The following RBMS3 variants were observed in gnomAD, a reference collection of about 807,000 sequenced individuals.
RBMS3 encodes the protein RNA-binding motif, single-stranded-interacting protein 3.
RBMS3 carries 27 observed loss-of-function variants against 66.8 expected under a neutral mutation model. The ratio of observed to expected loss-of-function variants is 0.40; its 90% CI spans 0.30 to 0.56. The LOEUF (loss-of-function observed/expected upper bound fraction) is 0.56, where lower values mean the gene tolerates loss of function less well. Among genes scored for constraint, RBMS3 ranks in the 20% least tolerant of loss-of-function variants. The pLI is 0.40. For synonymous variants in RBMS3, 188 were observed against 183.0 expected (o/e 1.03, Z -0.22); for missense variants, 513 against 549.5 (o/e 0.93, Z 0.66).
At chr3:29,488,400 G>T (rs2043402104) in intron 2 of RBMS3, 41 bp from the exon 3 acceptor site, 1 of 1,525,400 alleles carries the variant, frequency 6.6e-7, no homozygotes, top group Non-Finnish European at 9.0e-7. Context: ...GTCTTCAATG[G>T]GTTACAATAA....
chr3:29,519,349 C>T (rs1446305527), intron 3 of RBMS3, among the ~76,000 whole-genome samples: 1 of 152,078 alleles, frequency 6.6e-6, no homozygotes. Context: ...CACATTGACT[C>T]CGTTGGGTGA....
intron 1 of RBMS3, among the ~76,000 whole-genome samples, chr3:29,398,420 G>A (rs972860481): frequency 6.6e-6 from 1 of 152,152 alleles, no homozygotes; most frequent in Admixed American, 6.5e-5. Flanking sequence ...CATCAGGAAG[G>A]TCTCAAGGAC....
At chr3:29,816,311 G>GACACACACACACACACACACACACACAC (rs66518208) in intron 6 of RBMS3, among the ~76,000 whole-genome samples, 1 of 69,058 alleles carries the variant, frequency 1.4e-5, no homozygotes, top group Admixed American at 1.5e-4. Context: ...GACACACACA[G>GACACACACACACACACACACACACACAC]ACACACACAC....
intron 10 of RBMS3, among the ~76,000 whole-genome samples, chr3:29,932,618 A>G (rs1400827344): frequency 1.3e-5 from 2 of 152,210 alleles, no homozygotes; most frequent in African/African-American, 2.4e-5. Context: ...TGGGATTAAT[A>G]TAGGTGCTAA....
chr3:29,671,640 A>C (rs990430647), intron 4 of RBMS3, among the ~76,000 whole-genome samples: 26 of 152,246 alleles, frequency 1.7e-4, no homozygotes, highest in African/African-American at 6.0e-4. Flanking sequence ...ACACATGCAC[A>C]AGCTTCAGTA....
At chr3:29,815,136 C>T (rs2057847791) in intron 6 of RBMS3, among the ~76,000 whole-genome samples, 1 of 152,172 alleles carries the variant, frequency 6.6e-6, no homozygotes, top group East Asian at 1.9e-4. Flanking sequence ...CCTGGTGTCT[C>T]ATCTTCAACT....
At chr3:29,962,577 C>T (rs1440509971) in intron 12 of RBMS3, among the ~76,000 whole-genome samples, 1 of 130,924 alleles carries the variant, frequency 7.6e-6, no homozygotes. Context: ...TAATACCATA[C>T]CAACAAGCCC....
intron 4 of RBMS3, among the ~76,000 whole-genome samples, chr3:29,593,891 A>G (rs1441681018): frequency 1.3e-5 from 2 of 152,212 alleles, no homozygotes; most frequent in Admixed American, 6.5e-5. Context: ...GATTGTAACA[A>G]TTGGTTTGAA....
chr3:29,869,486 C>CACAT (rs1419852007), intron 7 of RBMS3, among the ~76,000 whole-genome samples: 33 of 151,858 alleles, frequency 2.2e-4, no homozygotes, highest in African/African-American at 8.0e-4. Context: ...CACACACACA[C>CACAT]ATATATAAAA....
intron 3 of RBMS3, among the ~76,000 whole-genome samples, chr3:29,554,223 A>G (rs2046271094): frequency 6.6e-6 from 1 of 152,146 alleles, no homozygotes; most frequent in Non-Finnish European, 1.5e-5. Flanking sequence ...CATGTGACTA[A>G]TTTTTACAAT....
intron 7 of RBMS3, 47 bp downstream of exon 7, chr3:29,869,011 T>C: frequency 2.0e-6 from 3 of 1,480,190 alleles, no homozygotes; most frequent in Non-Finnish European, 2.7e-6. Context: ...GCAGTAGATA[T>C]CCCTCAGAAG....
chr3:29,925,198 A>T (rs2060902628), intron 10 of RBMS3: 1 of 152,204 alleles, frequency 6.6e-6, no homozygotes, highest in Non-Finnish European at 1.5e-5. Flanking sequence ...AAGTCTTAAC[A>T]AGCGGGAATA....
chr3:29,384,963 T>C (rs1194638499), intron 1 of RBMS3, among the ~76,000 whole-genome samples: 1 of 152,154 alleles, frequency 6.6e-6, no homozygotes, highest in African/African-American at 2.4e-5. Flanking sequence ...AGATGTATGA[T>C]CTTATAACTC....
In RBMS3 at chr3:29,951,289, CTGTT is replaced by C. The variant is rs368930316; in HGVS notation, c.1098+7041_1098+7044del. Among the ~76,000 whole-genome samples the C allele has an allele frequency of 8.2e-3, 1,252 of 151,856 alleles. 15 individuals carry two copies. Among genetic ancestry groups the C allele is most frequent in the African/African-American group, 0.029 (1,216 of 41,478 alleles). Reference sequence around the variant, plus strand: ...TTATCTAAAAATTTACCACCAGACACTGTTTGTTTTCATTCTCACACATGCAGTT... The same window carrying C: ...TTATCTAAAAATTTACCACCAGACACTGTTTTCATTCTCACACATGCAGTT... On this transcript the variant is annotated intron_variant, in intron 12 of 14. Coordinates refer to ENST00000383767, the MANE Select transcript of RBMS3 (RefSeq NM_001003793.3).
rs1449427457 is a variant in RBMS3, at chr3:30,009,961, C to G, written c.*6099C>G. ...TCAAAAAGATATTTGAAAAAGTTTT[C>G]TCTATTCTGGACACAAATGCTTCCA... On this transcript the variant is annotated 3_prime_UTR_variant, in exon 15 of 15. Coordinates refer to ENST00000383767, the MANE Select transcript of RBMS3 (RefSeq NM_001003793.3). 1 of 151,554 alleles carries G rather than the reference C, an allele frequency of 6.6e-6. No individual in the cohort carries two copies. The highest frequency in any genetic ancestry group is 1.5e-5 in the Non-Finnish European group (1 of 67,938). 9.4% of individuals were successfully genotyped at this position (151,554 alleles called of 1,614,324 possible).
At chr3:29,460,058 C>A (rs1255651548) in intron 2 of RBMS3, among the ~76,000 whole-genome samples, 1 of 152,188 alleles carries the variant, frequency 6.6e-6, no homozygotes, top group Non-Finnish European at 1.5e-5. Flanking sequence ...AATCAAAATA[C>A]ATCTTGCCAC....
At chr3:29,778,489 G>C (rs1019548260) in intron 6 of RBMS3, among the ~76,000 whole-genome samples, 1 of 150,712 alleles carries the variant, frequency 6.6e-6, no homozygotes, top group African/African-American at 2.4e-5. Flanking sequence ...GTTGTATTTA[G>C]TATTTTACAG....
chr3:29,810,173 A>G (rs989603409), intron 6 of RBMS3, among the ~76,000 whole-genome samples: 11 of 152,114 alleles, frequency 7.2e-5, no homozygotes, highest in Non-Finnish European at 1.6e-4. Flanking sequence ...CCTTTAAAAA[A>G]CAGTGATCTT....
chr3:29,384,161 C>T (rs1427953607), intron 1 of RBMS3, among the ~76,000 whole-genome samples: 1 of 151,816 alleles, frequency 6.6e-6, no homozygotes, highest in East Asian at 1.9e-4. Context: ...ACAAAAAATA[C>T]AAAAATTAGC....
Sources: gnomAD v4.1 joint callset for allele counts (sites outside exome capture counted in the v4.1 genomes callset) on GRCh38, gnomAD v4.1.1 for gene constraint, MANE v1.5 for transcripts, NCBI Gene and HGNC (gene_info 2026-07-23, HGNC 2026-07-21) for gene names.